DOCK3: variants seen among roughly 807,000 people sequenced by gnomAD.
The protein encoded by DOCK3 is dedicator of cytokinesis 3.
In DOCK3, 60 loss-of-function variants were observed where a neutral mutation model predicts 265.6. The observed-to-expected ratio is 0.23, with a 90% CI of 0.18 to 0.28. The LOEUF (loss-of-function observed/expected upper bound fraction) is 0.28, where lower values mean the gene tolerates loss of function less well. DOCK3 is among the 10% of genes least tolerant of loss of function. The pLI, the probability that DOCK3 is intolerant of heterozygous loss-of-function variation, is 1.00. For missense variants in DOCK3, 1,981 were observed against 2,594.3 expected, an observed-to-expected ratio of 0.76 and a Z score of 5.14; for synonymous variants, 881 against 938.0, an observed-to-expected ratio of 0.94 and a Z score of 1.11.
intron 12 of DOCK3, among the ~76,000 whole-genome samples, chr3:51,176,153 T>C (rs765189772): frequency 6.6e-6 from 1 of 152,226 alleles, no homozygotes; most frequent in Non-Finnish European, 1.5e-5. Flanking sequence ...GAGTTCAGGG[T>C]GACTCTTGTT....
At chr3:50,765,072 GTTTTTTTT>G (rs34672189) in intron 1 of DOCK3, among the ~76,000 whole-genome samples, 12 of 47,438 alleles carry the variant, frequency 2.5e-4, no homozygotes, top group Admixed American at 7.6e-4. Context: ...ACTTTCTTAG[GTTTTTTTT>G]TTTTTTTTTT....
intron 1 of DOCK3, among the ~76,000 whole-genome samples, chr3:50,683,483 G>A (rs2034555690): frequency 6.6e-6 from 1 of 152,194 alleles, no homozygotes; most frequent in Non-Finnish European, 1.5e-5. Flanking sequence ...TATGTCTAGT[G>A]TATAAACAAG....
intron 32 of DOCK3, among the ~76,000 whole-genome samples, chr3:51,316,700 C>G (rs1485514478): frequency 6.6e-6 from 1 of 152,132 alleles, no homozygotes; most frequent in Non-Finnish European, 1.5e-5. Context: ...TTTCTATTTC[C>G]CTAGTGACTA....
At chr3:50,910,781 T>G (rs2107918761) in intron 4 of DOCK3, among the ~76,000 whole-genome samples, 1 of 152,288 alleles carries the variant, frequency 6.6e-6, no homozygotes, top group South Asian at 2.1e-4. Flanking sequence ...GGATGGGGAT[T>G]GGTGGTGTAG....
chr3:50,922,887 C>T (rs1173549096), intron 4 of DOCK3, among the ~76,000 whole-genome samples: 2 of 151,838 alleles, frequency 1.3e-5, no homozygotes, highest in Non-Finnish European at 2.9e-5. Flanking sequence ...ATACACTGCA[C>T]CCAATTTGTT....
chr3:51,106,788 C>T (rs1384227050), intron 9 of DOCK3, among the ~76,000 whole-genome samples: 1 of 152,216 alleles, frequency 6.6e-6, no homozygotes, highest in Non-Finnish European at 1.5e-5. Context: ...GGGGGTGCCC[C>T]CCCCAGCCAT....
intron 38 of DOCK3, among the ~76,000 whole-genome samples, chr3:51,344,849 A>G (rs1210463481): frequency 3.3e-5 from 5 of 152,160 alleles, no homozygotes; most frequent in African/African-American, 1.2e-4. Context: ...AGGTTTGCAG[A>G]GTGTCTTAAA....
At position 51,341,312 on chromosome 3, in the gene DOCK3, A is replaced by G; in HGVS notation, c.3842A>G (p.Tyr1281Cys). The change falls in exon 38 of 53, where the codon TAC (tyrosine) becomes TGC (cysteine). Residue 1281 changes from tyrosine to cysteine, a missense_variant. Coordinates refer to ENST00000266037, the MANE Select transcript of DOCK3 (RefSeq NM_004947.5). ...CGGCCACTACGGGAATTCCTCCACTACCCATCGCAGACAGAGTGGCAGCGG... is the reference window on the plus strand; with the variant it reads ...CGGCCACTACGGGAATTCCTCCACTGCCCATCGCAGACAGAGTGGCAGCGG... ...EDRPLREFLHYPSQTEWQRKE... is the reference protein window; with the variant it reads ...EDRPLREFLHCPSQTEWQRKE... The G allele has an allele frequency of 1.2e-6, 2 of 1,613,446 alleles. No individual in the cohort carries two copies. Among genetic ancestry groups the G allele is most frequent in the South Asian group, 1.1e-5 (1 of 90,974 alleles).
chr3:50,729,322 CA>C (rs1271946003), intron 1 of DOCK3, among the ~76,000 whole-genome samples: 81 of 126,922 alleles, frequency 6.4e-4, no homozygotes, highest in Non-Finnish European at 9.0e-4. Context: ...GACCTGTCTC[CA>C]AAAAAAAAAA....
rs567376265 is a variant in DOCK3, at chr3:51,251,580, G to T, written c.2184+4773G>T. 2.0e-5 allele frequency among the ~76,000 whole-genome samples: 3 copies of T among 152,290 alleles called. 1 individual carries two copies. In the South Asian group the frequency reaches 6.2e-4, roughly 32 times the overall value. On this transcript the variant is annotated intron_variant, in intron 22 of 52. Coordinates refer to ENST00000266037, the MANE Select transcript of DOCK3 (RefSeq NM_004947.5). Reference sequence around the variant, plus strand: ...TCGCCATTCCAACTAGTGTGAGATGGTATCTCATTGTGGTTTTGATTTGCA... The same window carrying T: ...TCGCCATTCCAACTAGTGTGAGATGTTATCTCATTGTGGTTTTGATTTGCA...
chr3:51,361,653 T>C lies in DOCK3; in HGVS notation c.5007-206T>C, dbSNP rs1467281835. On this transcript the variant is annotated intron_variant, in intron 47 of 52. Transcript: ENST00000266037. The surrounding 1 kb of genome is among the most constrained non-coding windows in gnomAD (Gnocchi z 4.2). ...AGGCTTGTCCAGTGTACCACACCAT[T>C]GTCTCTCCCAGACCAAGGGCTCCTG... 6.6e-6 allele frequency among the ~76,000 whole-genome samples: 1 copy of C among 152,136 alleles called. No individual in the cohort carries two copies. Among genetic ancestry groups the C allele is most frequent in the African/African-American group, 2.4e-5 (1 of 41,418 alleles).
intron 5 of DOCK3, among the ~76,000 whole-genome samples, chr3:50,985,456 G>GA (rs2077863004): frequency 6.6e-6 from 1 of 151,738 alleles, no homozygotes; most frequent in African/African-American, 2.4e-5. Context: ...TATTTTTATT[G>GA]TTTCTATTTA....
intron 35 of DOCK3, among the ~76,000 whole-genome samples, chr3:51,337,176 A>G (rs1201363222): frequency 6.6e-6 from 1 of 152,242 alleles, no homozygotes; most frequent in Non-Finnish European, 1.5e-5. Flanking sequence ...TCTCAAACCT[A>G]TCAACTCTGA....
intron 5 of DOCK3, among the ~76,000 whole-genome samples, chr3:51,026,442 T>G (rs897987978): frequency 1.3e-5 from 2 of 151,978 alleles, no homozygotes; most frequent in Admixed American, 1.3e-4. Flanking sequence ...AGTTTTTTTT[T>G]TTTTTTTATT....
At chr3:51,304,623 A>G (rs2082548736) in intron 27 of DOCK3, among the ~76,000 whole-genome samples, 1 of 152,186 alleles carries the variant, frequency 6.6e-6, no homozygotes, top group Admixed American at 6.5e-5. Flanking sequence ...GGATCTCCTG[A>G]TCTATGGGTT....
intron 2 of DOCK3, among the ~76,000 whole-genome samples, chr3:50,785,679 A>T (rs748555080): frequency 3.3e-5 from 5 of 152,062 alleles, no homozygotes; most frequent in African/African-American, 4.8e-5. Context: ...ATCATGGTGG[A>T]TTATCTTTTA....
At chr3:50,791,413 G>A (rs545712442) in intron 2 of DOCK3, among the ~76,000 whole-genome samples, 88 of 151,818 alleles carry the variant, frequency 5.8e-4, no homozygotes, top group African/African-American at 2.0e-3. Context: ...ACAGGTGCAC[G>A]CTACCATGTC....
intron 31 of DOCK3, 141 bp from the exon 32 acceptor site, chr3:51,314,839 A>G (rs2083281293): frequency 9.9e-7 from 1 of 1,006,638 alleles, no homozygotes; most frequent in Admixed American, 4.1e-5. Context: ...GAGGGAGAGT[A>G]CCTCAGAAAA....
intron 2 of DOCK3, among the ~76,000 whole-genome samples, chr3:50,836,274 G>A (rs1157714623): frequency 6.6e-6 from 1 of 152,226 alleles, no homozygotes; most frequent in African/African-American, 2.4e-5. Context: ...CCTAGCAGAG[G>A]TTCTCCATGA....
Sources: gnomAD v4.1 joint callset for allele counts (sites outside exome capture counted in the v4.1 genomes callset) on GRCh38, gnomAD v4.1.1 for gene constraint, Gnocchi (gnomAD v3.1) non-coding constraint, MANE v1.5 for transcripts, NCBI Gene and HGNC (gene_info 2026-07-23, HGNC 2026-07-21) for gene names.